Variants in RORA observed in about 807,000 individuals in gnomAD.
RORA encodes the protein RAR related orphan receptor A, also known as nuclear receptor ROR-alpha.
Under a neutral mutation model 69.5 loss-of-function variants are expected in RORA, and 7 were observed. The ratio of observed to expected loss-of-function variants is 0.10; its 90% CI spans 0.06 to 0.19. The LOEUF (loss-of-function observed/expected upper bound fraction) is 0.19, where lower values mean the gene tolerates loss of function less well. Ranked by LOEUF, RORA falls within the 10% of genes least tolerant of loss-of-function variation. RORA has a pLI of 1.00. For missense variants in RORA, 457 were observed against 663.0 expected, an observed-to-expected ratio of 0.69 and a Z score of 3.41; for synonymous variants, 261 against 240.8, an observed-to-expected ratio of 1.08 and a Z score of -0.78.
Position 60,511,498 on chromosome 15 carries a change from G to A in RORA, c.548C>T (p.Thr183Met), listed in dbSNP as rs201191874. Residue 183 changes from threonine to methionine, a missense_variant, in exon 5 of 11, where the codon ACG becomes ATG. This residue lies in a region of RORA where 304 missense variants were observed against 447.4 expected (regional missense o/e 0.68). Coordinates refer to ENST00000335670, the MANE Select transcript of RORA (RefSeq NM_134261.3). The surrounding 1 kb of genome is among the most constrained non-coding windows in gnomAD (Gnocchi z 6.4). ...QQQPGEAEPL[T>M]PTYNISANGL... is the part of the protein sequence containing the mutation. ...GTTGGCCGAGATGTTGTAGGTGGGC[G>A]TCAGCGGCTCAGCCTCTCCAGGCTG... is the stretch of plus-strand genomic sequence containing the variant. 27 of 1,614,076 alleles carry A rather than the reference G, an allele frequency of 1.7e-5. No homozygotes were observed. The highest frequency in any genetic ancestry group is 2.7e-5 in the African/African-American group (2 of 74,914).
chr15:60,999,377 C>T (rs1353778905), intron 1 of RORA, among the ~76,000 whole-genome samples: 1 of 152,148 alleles, frequency 6.6e-6, no homozygotes, highest in Non-Finnish European at 1.5e-5. Context: ...CCATAGGTAG[C>T]CCAGACTAGC....
chr15:60,689,442 A>T (rs1233547342), intron 1 of RORA, among the ~76,000 whole-genome samples: 1 of 152,140 alleles, frequency 6.6e-6, no homozygotes, highest in Admixed American at 6.6e-5. Flanking sequence ...CAACTAGCAC[A>T]GTTCTTCTCT....
Position 60,830,917 on chromosome 15 carries a change from G to A in RORA, c.167-152231C>T, listed in dbSNP as rs79957039. ...TTTTAGTTCTCTACAGTAAAGTGTT[G>A]TTGCTAAAAATATATGTGTGTGCAT... On this transcript the variant is annotated intron_variant, in intron 1 of 10. Coordinates refer to ENST00000335670, the MANE Select transcript of RORA (RefSeq NM_134261.3). Among the ~76,000 whole-genome samples the A allele has an allele frequency of 9.9e-4, 151 of 152,264 alleles. 2 individuals are homozygous for A. In the East Asian group the frequency reaches 0.024, roughly 25 times the overall value.
rs987257754 is a variant in RORA, at chr15:61,116,475, T to G, written c.166+112578A>C. 4.6e-5 allele frequency among the ~76,000 whole-genome samples: 7 copies of G among 152,120 alleles called. No individual in the cohort carries two copies. In the East Asian group the frequency reaches 1.3e-3, roughly 29 times the overall value. ...AAGCACCTCACAACATATTCACCTA[T>G]CACCGGATACCCCATTCCTGGACCA... On this transcript the variant is annotated intron_variant, in intron 1 of 10. Coordinates refer to ENST00000335670, the MANE Select transcript of RORA (RefSeq NM_134261.3).
At chr15:60,880,822 C>T (rs527865749) in intron 1 of RORA, among the ~76,000 whole-genome samples, 66 of 152,244 alleles carry the variant, frequency 4.3e-4, no homozygotes, top group African/African-American at 1.5e-3. Context: ...AAATTTAATA[C>T]GTGTCTGACC....
intron 1 of RORA, among the ~76,000 whole-genome samples, chr15:61,001,999 T>C (rs921025691): frequency 6.6e-6 from 1 of 152,186 alleles, no homozygotes; most frequent in Non-Finnish European, 1.5e-5. Flanking sequence ...GGGGCAGCCA[T>C]GAACAGGCAG....
intron 1 of RORA, among the ~76,000 whole-genome samples, chr15:60,702,134 C>A (rs954628988): frequency 2.6e-5 from 4 of 152,166 alleles, no homozygotes; most frequent in Non-Finnish European, 2.9e-5. Flanking sequence ...GAACATTGGG[C>A]AAGTCACTTA....
chr15:60,983,400 T>C (rs1894103448), intron 1 of RORA, among the ~76,000 whole-genome samples: 1 of 152,230 alleles, frequency 6.6e-6, no homozygotes, highest in Non-Finnish European at 1.5e-5. Context: ...CATTTTGAAA[T>C]AGCCCTGCAA....
intron 1 of RORA, among the ~76,000 whole-genome samples, chr15:60,858,364 T>C (rs968798267): frequency 7.9e-5 from 12 of 152,200 alleles, no homozygotes; most frequent in African/African-American, 2.9e-4. Context: ...TTCTGGGTCT[T>C]TCTACTGGTA....
intron 1 of RORA, among the ~76,000 whole-genome samples, chr15:61,117,178 CT>C (rs35859710): frequency 0.016 from 2,273 of 138,328 alleles, 28 homozygotes; most frequent in East Asian, 0.044. Flanking sequence ...TTAAAAGTTA[CT>C]TTTTTTTTTT....
chr15:60,995,964 T>C (rs1412067273), intron 1 of RORA, among the ~76,000 whole-genome samples: 2 of 152,188 alleles, frequency 1.3e-5, no homozygotes, highest in African/African-American at 2.4e-5. Flanking sequence ...GTGATTCTTG[T>C]TTATGCATTG....
intron 1 of RORA, among the ~76,000 whole-genome samples, chr15:60,700,726 A>G (rs1481826884): frequency 2.0e-5 from 3 of 152,148 alleles, no homozygotes; most frequent in African/African-American, 7.2e-5. Context: ...CATGTTTTTA[A>G]AGACCTCCAA....
At chr15:60,736,676 G>A (rs944043184) in intron 1 of RORA, 13 of 152,166 alleles carry the variant, frequency 8.5e-5, no homozygotes, top group African/African-American at 2.7e-4. Context: ...GGTCTGCCTC[G>A]CTGTCCCCTA....
At chr15:60,875,639 C>A (rs151012607) in intron 1 of RORA, among the ~76,000 whole-genome samples, 1 of 152,284 alleles carries the variant, frequency 6.6e-6, no homozygotes, top group African/African-American at 2.4e-5. Flanking sequence ...GGGAAACAGA[C>A]CTTTGAGAGT....
At position 60,558,101 on chromosome 15, in the gene RORA, A is replaced by G. The variant is rs1429392526; in HGVS notation, c.197-26250T>C. On this transcript the variant is annotated intron_variant, in intron 2 of 10. Coordinates refer to ENST00000335670, the MANE Select transcript of RORA (RefSeq NM_134261.3). ...AAATATGGGTGATGTTGAGAAAACC[A>G]AGATTTTTGTCTAGAAGTATGCCCA... 5.4e-6 allele frequency: 3 copies of G among 556,678 alleles called. No individual in the cohort carries two copies. The East Asian group carries it at 9.5e-5, about 18-fold the overall frequency. 34.5% of individuals were successfully genotyped at this position (556,678 alleles called of 1,614,324 possible).
intron 2 of RORA, among the ~76,000 whole-genome samples, chr15:60,648,093 G>A (rs1413803537): frequency 1.3e-5 from 2 of 152,190 alleles, no homozygotes; most frequent in Non-Finnish European, 2.9e-5. Context: ...AGGAGGAGGA[G>A]GGCAGGAGAG....
intron 1 of RORA, among the ~76,000 whole-genome samples, chr15:61,020,686 A>T (rs1338540464): frequency 1.3e-5 from 2 of 152,216 alleles, no homozygotes; most frequent in African/African-American, 4.8e-5. Flanking sequence ...TTGGTGCACT[A>T]TTAGATTTTG....
intron 2 of RORA, among the ~76,000 whole-genome samples, chr15:60,646,794 C>T (rs2070054084): frequency 6.6e-6 from 1 of 152,190 alleles, no homozygotes; most frequent in Admixed American, 6.5e-5. Flanking sequence ...AAAGTCTCAC[C>T]CTGCCCAGCC....
At chr15:61,038,610 G>A (rs1029986247) in intron 1 of RORA, among the ~76,000 whole-genome samples, 1 of 152,336 alleles carries the variant, frequency 6.6e-6, no homozygotes, top group Admixed American at 6.5e-5. Flanking sequence ...GAAGCAACAC[G>A]AGAAAATTGG....
Sources: gnomAD v4.1 joint callset for allele counts (sites outside exome capture counted in the v4.1 genomes callset) on GRCh38, gnomAD v4.1.1 for gene constraint, gnomAD v4.1.1 regional missense constraint, Gnocchi (gnomAD v3.1) non-coding constraint, MANE v1.5 for transcripts, NCBI Gene and HGNC (gene_info 2026-07-23, HGNC 2026-07-21) for gene names.